LRBA: variants seen among roughly 807,000 people sequenced by gnomAD.
The protein encoded by LRBA is LPS responsive beige-like anchor protein, also known as lipopolysaccharide-responsive and beige-like anchor protein.
A neutral mutation model predicts 330.0 loss-of-function variants in LRBA; 176 were observed. The ratio of observed to expected loss-of-function variants is 0.53; its 90% CI spans 0.47 to 0.60. The LOEUF is 0.60. Among genes scored for constraint, LRBA ranks in the 20% least tolerant of loss-of-function variants. The pLI is 0.00. For synonymous variants in LRBA, 1,230 were observed against 1,193.0 expected (o/e 1.03, Z -0.64); for missense variants, 3,259 against 3,444.8 (o/e 0.95, Z 1.35).
rs72719661 is a variant in LRBA, at chr4:150,868,090, C to A, written c.2573+92G>T. 1.5e-3 allele frequency: 1,881 copies of A among 1,285,636 alleles called. 5 individuals are homozygous for A. The highest frequency in any genetic ancestry group is 1.7e-3 in the Non-Finnish European group (1,577 of 931,562). 79.6% of individuals were successfully genotyped at this position (1,285,636 alleles called of 1,614,324 possible). A position where few individuals can be genotyped will look rare whatever the true frequency, so the allele number is the denominator to read the frequency against. The stretch of plus-strand genomic sequence containing the variant: ...TAAAAAAAATAGAAAAATCATTTCA[C>A]AGTATTTTTAAAGCAATTTTTCTTA... On this transcript the variant is annotated intron_variant, in intron 21 of 56. Transcript: ENST00000651943.
intron 40 of LRBA, among the ~76,000 whole-genome samples, chr4:150,545,219 T>C (rs946203408): frequency 6.6e-6 from 1 of 152,154 alleles, no homozygotes; most frequent in East Asian, 1.9e-4. Flanking sequence ...AAATAATGCA[T>C]ACAAATTATT....
At position 150,817,110 on chromosome 4, in the gene LRBA, G is replaced by A. The variant is rs1744711302; in HGVS notation, c.5305+14C>T. On this transcript the variant is annotated intron_variant, in intron 31 of 56. Transcript: ENST00000651943. ...TAAAAACATTTTTGTTGAAATCACT[G>A]ATAACTAACTCACCTGGTGATTCTC... The A allele has an allele frequency of 6.2e-7, 1 of 1,607,126 alleles. No homozygotes were observed. The highest frequency in any genetic ancestry group is 8.5e-7 in the Non-Finnish European group (1 of 1,176,770).
At chr4:150,311,782 CCTT>C (rs1368145678) in intron 51 of LRBA, among the ~76,000 whole-genome samples, 9 of 152,144 alleles carry the variant, frequency 5.9e-5, no homozygotes, top group Admixed American at 5.2e-4. Context: ...TTTTCCCTCT[CCTT>C]CTAACAAAGG....
chr4:150,542,519 A>G (rs1315776140), intron 40 of LRBA, among the ~76,000 whole-genome samples: 1 of 152,218 alleles, frequency 6.6e-6, no homozygotes, highest in East Asian at 1.9e-4. Context: ...TATTTGGGTT[A>G]TGACCAAATC....
At chr4:150,561,671 G>A (rs981023589) in intron 40 of LRBA, among the ~76,000 whole-genome samples, 2 of 152,168 alleles carry the variant, frequency 1.3e-5, no homozygotes, top group African/African-American at 4.8e-5. Context: ...AGACGCTCTA[G>A]AAGAGAATGC....
At chr4:150,466,411 T>G (rs575737546) in intron 44 of LRBA, among the ~76,000 whole-genome samples, 2 of 152,258 alleles carry the variant, frequency 1.3e-5, no homozygotes, top group South Asian at 4.2e-4. Context: ...TGTGAATCAC[T>G]GAGAGCCTTG....
rs111247073 is a variant in LRBA, at chr4:151,014,833, C to T, written c.-191G>A. 2.0e-5 allele frequency: 11 copies of T among 562,464 alleles called. No homozygotes were observed. Among genetic ancestry groups the T allele is most frequent in the African/African-American group, 1.9e-4 (10 of 53,574 alleles). 34.8% of individuals were successfully genotyped at this position (562,464 alleles called of 1,614,324 possible). A position where few individuals can be genotyped will look rare whatever the true frequency, so the allele number is the denominator to read the frequency against. On this transcript the variant is annotated 5_prime_UTR_variant, in exon 2 of 57. Coordinates refer to ENST00000651943, the MANE Select transcript of LRBA (RefSeq NM_001364905.1). ...CTTGGAGAATATTTGTCCAATCTCTCTCCCCGAGGCTGACAACAACGCCAA... is the reference window on the plus strand; with the variant it reads ...CTTGGAGAATATTTGTCCAATCTCTTTCCCCGAGGCTGACAACAACGCCAA...
intron 36 of LRBA, among the ~76,000 whole-genome samples, chr4:150,702,255 A>G (rs1027635917): frequency 2.0e-5 from 3 of 152,158 alleles, no homozygotes; most frequent in African/African-American, 7.2e-5. Context: ...AAAATGAGAT[A>G]ATGGACAAAG....
chr4:151,005,490 A>T (rs1743935355), intron 2 of LRBA, among the ~76,000 whole-genome samples: 1 of 146,714 alleles, frequency 6.8e-6, no homozygotes, highest in African/African-American at 2.5e-5. Context: ...ATTAGATGAG[A>T]GCTAATGAAT....
chr4:150,295,229 T>G, intron 53 of LRBA, among the ~76,000 whole-genome samples: 1 of 133,326 alleles, frequency 7.5e-6, no homozygotes, highest in African/African-American at 3.0e-5. Context: ...TAAGACAGGG[T>G]CTCACTCTGT....
rs960061622 is a variant in LRBA, at chr4:150,599,106, C to T, written c.5947G>A (p.Asp1983Asn). ...CGCCGCAAGTCATCTTCCCAGTAGT[C>T]AAGGCGCCAGAACTCAAGAGGACGA... ...VSRPLEFWRLDYWEDDLRRRR... is the reference protein window; with the variant it reads ...VSRPLEFWRLNYWEDDLRRRR... The change falls in exon 38 of 57, where the codon GAC becomes AAC. Residue 1983 changes from aspartate to asparagine, a missense_variant. Physicochemically the swap from Asp to Asn is conservative, Grantham distance 23 (BLOSUM62 1). Transcript: ENST00000651943. 3 of 1,613,914 alleles carry T rather than the reference C, an allele frequency of 1.9e-6. No homozygotes were observed.
At chr4:150,353,627 T>C (rs1285432630) in intron 47 of LRBA, among the ~76,000 whole-genome samples, 1 of 152,156 alleles carries the variant, frequency 6.6e-6, no homozygotes, top group African/African-American at 2.4e-5. Context: ...TGATACTGCA[T>C]CAGAATTTTA....
intron 48 of LRBA, among the ~76,000 whole-genome samples, chr4:150,335,321 C>T (rs1026460730): frequency 2.0e-5 from 3 of 151,080 alleles, no homozygotes; most frequent in Non-Finnish European, 4.4e-5. Context: ...TCATAATATA[C>T]CAAAGAAAGA....
In LRBA at chr4:150,942,715, C is replaced by T. The variant is rs138447070; in HGVS notation, c.217-13650G>A. 5.9e-3 allele frequency among the ~76,000 whole-genome samples: 904 copies of T among 152,108 alleles called. 5 individuals carry two copies. The highest frequency in any genetic ancestry group is 9.6e-3 in the Non-Finnish European group (652 of 67,978). ...TATCATAACTAATCCTTACAAGAAC[C>T]CTGTAAGTCATACAGATTAGTCAAT... On this transcript the variant is annotated intron_variant, in intron 2 of 56. Transcript: ENST00000651943.
At chr4:150,274,808 A>C (rs548189768) in intron 56 of LRBA, among the ~76,000 whole-genome samples, 12 of 152,256 alleles carry the variant, frequency 7.9e-5, no homozygotes, top group African/African-American at 2.4e-4. Flanking sequence ...ACCAACCAAA[A>C]AAAGTCCAGG....
rs752512634 is a variant in LRBA at position 150,557,491 on chromosome 4, CT to C, written c.6330+30556del. Among the ~76,000 whole-genome samples the C allele has an allele frequency of 3.8e-3, 550 of 143,640 alleles. 1 individual carries two copies. Among genetic ancestry groups the C allele is most frequent in the Middle Eastern group, 0.011 (3 of 274 alleles). The allele number at this position is 143,640 out of a possible 152,430, so 94.2% of individuals were successfully genotyped here. On this transcript the variant is annotated intron_variant, in intron 40 of 56. Transcript: ENST00000651943. ...AGATTTCATCAGTTTTTCTCTCAAG[CT>C]TTTTTTTTTTTTTCTTGTCCCAAGA...
intron 47 of LRBA, among the ~76,000 whole-genome samples, chr4:150,372,062 T>C (rs1740403661): frequency 1.3e-5 from 2 of 152,182 alleles, no homozygotes; most frequent in Admixed American, 6.5e-5. Flanking sequence ...GTGATTCAAG[T>C]CTGCATGAAC....
chr4:150,480,687 A>G (rs1393820116), intron 42 of LRBA, among the ~76,000 whole-genome samples: 1 of 152,132 alleles, frequency 6.6e-6, no homozygotes, highest in African/African-American at 2.4e-5. Flanking sequence ...GAATATAATT[A>G]ATTTTTTATA....
chr4:150,593,073 G>T (rs1773089900), intron 38 of LRBA, among the ~76,000 whole-genome samples: 1 of 151,902 alleles, frequency 6.6e-6, no homozygotes, highest in Non-Finnish European at 1.5e-5. Flanking sequence ...CTGCCCTGAG[G>T]CTAAACAAGA....
Sources: allele counts gnomAD v4.1 joint callset (sites outside exome capture counted in the v4.1 genomes callset), GRCh38; gene constraint gnomAD v4.1.1; transcripts MANE v1.5; gene names NCBI Gene and HGNC (gene_info 2026-07-23, HGNC 2026-07-21).